Variants in ZDHHC14 observed in about 807,000 individuals in gnomAD.
ZDHHC14 encodes the protein palmitoyltransferase ZDHHC14.
ZDHHC14 carries 16 observed loss-of-function variants against 47.7 expected under a neutral mutation model. The ratio of observed to expected loss-of-function variants is 0.34; its 90% CI spans 0.23 to 0.51. ZDHHC14 has a LOEUF of 0.51. ZDHHC14 is among the 20% of genes least tolerant of loss of function. The probability of loss-of-function intolerance (pLI) is 0.97; values close to 1 mark genes in which losing one functional copy is unlikely to be tolerated. For synonymous variants in ZDHHC14, 293 were observed against 278.9 expected (o/e 1.05, Z -0.50); for missense variants, 515 against 662.5 (o/e 0.78, Z 2.44).
At chr6:157,591,994 T>A (rs1398513884) in intron 2 of ZDHHC14, among the ~76,000 whole-genome samples, 1 of 152,132 alleles carries the variant, frequency 6.6e-6, no homozygotes, top group African/African-American at 2.4e-5. Flanking sequence ...CTCCTGTTCT[T>A]GACTGCACAG....
chr6:157,457,962 C>T lies in ZDHHC14; in HGVS notation c.245+75696C>T, dbSNP rs1212534291. On this transcript the variant is annotated intron_variant, in intron 1 of 8. Coordinates refer to ENST00000359775, the MANE Select transcript of ZDHHC14 (RefSeq NM_024630.3). ...AAATTAAAAACCAATGCCAAGATAA[C>T]CAACTCATAAAAGGCTCGTGAGCAT... Among the ~76,000 whole-genome samples the T allele has an allele frequency of 3.3e-5, 5 of 152,346 alleles. 1 individual carries two copies. In the South Asian group the frequency reaches 1.0e-3, roughly 32 times the overall value.
At chr6:157,616,809 A>C (rs539850523) in intron 3 of ZDHHC14, among the ~76,000 whole-genome samples, 1 of 152,280 alleles carries the variant, frequency 6.6e-6, no homozygotes, top group East Asian at 1.9e-4. Flanking sequence ...CCCCTTCTGC[A>C]CACCTGAGAG....
At chr6:157,614,656 G>T (rs774853605) in intron 3 of ZDHHC14, among the ~76,000 whole-genome samples, 1 of 152,154 alleles carries the variant, frequency 6.6e-6, no homozygotes, top group South Asian at 2.1e-4. Context: ...TTCCCAGGCC[G>T]TAACACTATG....
At chr6:157,483,361 C>T (rs557612742) in intron 1 of ZDHHC14, among the ~76,000 whole-genome samples, 6 of 152,274 alleles carry the variant, frequency 3.9e-5, no homozygotes, top group South Asian at 2.1e-4. Flanking sequence ...AAAACGGCAG[C>T]GTTGATGCAC....
At chr6:157,566,397 C>T (rs969725670) in intron 2 of ZDHHC14, among the ~76,000 whole-genome samples, 27 of 152,242 alleles carry the variant, frequency 1.8e-4, no homozygotes, top group African/African-American at 5.5e-4. Flanking sequence ...TTTCAGTTCC[C>T]CAGAGCACAA....
intron 2 of ZDHHC14, among the ~76,000 whole-genome samples, chr6:157,580,815 C>G (rs1229406638): frequency 6.6e-6 from 1 of 151,444 alleles, no homozygotes; most frequent in Non-Finnish European, 1.5e-5. Flanking sequence ...GATTTCCCTC[C>G]TTTTTTTATT....
chr6:157,610,321 A>G (rs1057105596), intron 3 of ZDHHC14, among the ~76,000 whole-genome samples: 1 of 152,132 alleles, frequency 6.6e-6, no homozygotes, highest in African/African-American at 2.4e-5. Context: ...GGTCCCAGCT[A>G]CTCGGGAGGC....
chr6:157,634,000 G>A (rs1776843516), intron 5 of ZDHHC14, among the ~76,000 whole-genome samples: 1 of 152,164 alleles, frequency 6.6e-6, no homozygotes, highest in Non-Finnish European at 1.5e-5. Context: ...ACTTATGTAT[G>A]TATCATGTTC....
chr6:157,511,512 C>G (rs998378079), intron 1 of ZDHHC14, among the ~76,000 whole-genome samples: 1 of 149,230 alleles, frequency 6.7e-6, no homozygotes, highest in African/African-American at 2.5e-5. Context: ...TCCCGAGTAG[C>G]TGGGATTACA....
intron 1 of ZDHHC14, among the ~76,000 whole-genome samples, chr6:157,394,616 C>A (rs565660552): frequency 2.0e-5 from 3 of 152,342 alleles, no homozygotes; most frequent in African/African-American, 7.2e-5. Flanking sequence ...ACCTCCATGA[C>A]CCCACCCCAC....
chr6:157,429,156 G>A (rs1019154226), intron 1 of ZDHHC14, among the ~76,000 whole-genome samples: 8 of 152,174 alleles, frequency 5.3e-5, no homozygotes, highest in African/African-American at 1.9e-4. Flanking sequence ...ATGGATCTGT[G>A]CAGTGATCAT....
intron 2 of ZDHHC14, among the ~76,000 whole-genome samples, chr6:157,544,556 G>A (rs1384589199): frequency 1.3e-5 from 2 of 152,140 alleles, no homozygotes; most frequent in African/African-American, 4.8e-5. Context: ...GGCTGACGCA[G>A]GAGAATCGCT....
chr6:157,570,844 C>T (rs1231323218), intron 2 of ZDHHC14, among the ~76,000 whole-genome samples: 2 of 151,406 alleles, frequency 1.3e-5, no homozygotes, highest in Non-Finnish European at 2.9e-5. Context: ...CACACACATA[C>T]ATCTATATTG....
chr6:157,432,891 C>A (rs1205107437), intron 1 of ZDHHC14, among the ~76,000 whole-genome samples: 1 of 152,198 alleles, frequency 6.6e-6, no homozygotes, highest in African/African-American at 2.4e-5. Flanking sequence ...AATTTTGGGG[C>A]CCATTTTTAT....
chr6:157,541,720 G>A (rs1781772610), intron 1 of ZDHHC14, among the ~76,000 whole-genome samples: 2 of 152,176 alleles, frequency 1.3e-5, no homozygotes, highest in Admixed American at 6.5e-5. Context: ...AAGGGGCCAC[G>A]GTAAGAACTG....
intron 1 of ZDHHC14, among the ~76,000 whole-genome samples, chr6:157,407,332 A>G (rs1156549160): frequency 6.6e-6 from 1 of 152,182 alleles, no homozygotes; most frequent in Non-Finnish European, 1.5e-5. Flanking sequence ...GCCGCTGTGT[A>G]TAGGCAGCAG....
At chr6:157,541,982 A>G (rs1781783674) in intron 1 of ZDHHC14, among the ~76,000 whole-genome samples, 1 of 152,114 alleles carries the variant, frequency 6.6e-6, no homozygotes, top group Non-Finnish European at 1.5e-5. Context: ...AATCCCTTAA[A>G]TCTTCTTCCG....
rs557373078 is a variant in ZDHHC14 at position 157,427,670 on chromosome 6, C to A, written c.245+45404C>A. On this transcript the variant is annotated intron_variant, in intron 1 of 8. Coordinates refer to ENST00000359775, the MANE Select transcript of ZDHHC14 (RefSeq NM_024630.3). This position sits in a 1 kb window ranked among gnomAD's most constrained non-coding sequence, Gnocchi z 4.4. ...CAGAGGAACGTGAGTATTGAGATGT[C>A]GGCATGGGAGGTGGCTTGGATTTTC... 6.6e-6 allele frequency among the ~76,000 whole-genome samples: 1 copy of A among 152,076 alleles called. No homozygotes were observed. The highest frequency in any genetic ancestry group is 2.4e-5 in the African/African-American group (1 of 41,402).
intron 1 of ZDHHC14, among the ~76,000 whole-genome samples, chr6:157,492,831 A>T (rs1779960393): frequency 6.6e-6 from 1 of 152,044 alleles, no homozygotes; most frequent in African/African-American, 2.4e-5. Context: ...CCCAGATGGG[A>T]GGAGGGGTGC....
Sources: allele counts gnomAD v4.1 joint callset (sites outside exome capture counted in the v4.1 genomes callset), GRCh38; gene constraint gnomAD v4.1.1; non-coding constraint Gnocchi (gnomAD v3.1); transcripts MANE v1.5; gene names NCBI Gene and HGNC (gene_info 2026-07-23, HGNC 2026-07-21).